The following ZNF331 variants were observed in gnomAD, a reference collection of about 807,000 sequenced individuals.
The protein encoded by ZNF331 is zinc finger protein 331, also known as C2H2-like zinc finger protein rearranged in thyroid adenomas.
In ZNF331, 2 loss-of-function variants were observed where a neutral mutation model predicts 7.0. The observed-to-expected ratio is 0.29, with a 90% CI of 0.12 to 0.90. ZNF331 has a LOEUF of 0.90. Among genes scored for constraint, ZNF331 ranks in the 40% least tolerant of loss-of-function variants. ZNF331 has a pLI of 0.58. For synonymous variants in ZNF331, 196 were observed against 205.4 expected, an observed-to-expected ratio of 0.95 and a Z score of 0.39; for missense variants, 432 against 587.7, an observed-to-expected ratio of 0.74 and a Z score of 2.74.
intron 2 of ZNF331, among the ~76,000 whole-genome samples, chr19:53,554,317 G>A (rs1200968682): frequency 6.6e-6 from 1 of 152,226 alleles, no homozygotes; most frequent in Non-Finnish European, 1.5e-5. Flanking sequence ...GGTCGCACAT[G>A]CGGATCAAGG....
the ZNF331 span, among the ~76,000 whole-genome samples, chr19:53,513,472 A>G: frequency 6.6e-6 from 1 of 152,138 alleles, no homozygotes; most frequent in Non-Finnish European, 1.5e-5. Flanking sequence ...TAATTGCTCT[A>G]CCAATTGACT....
At chr19:53,507,938 A>C in the ZNF331 span, among the ~76,000 whole-genome samples, 1 of 152,182 alleles carries the variant, frequency 6.6e-6, no homozygotes, top group East Asian at 1.9e-4. Flanking sequence ...GGTTACAAAA[A>C]AAATCATCAA....
chr19:53,569,419 T>C, intron 4 of ZNF331, 34 bp downstream of exon 4: 1 of 1,613,234 alleles, frequency 6.2e-7, no homozygotes, highest in Non-Finnish European at 8.5e-7. Flanking sequence ...TCTTGAGCTA[T>C]GATATTTGCG....
chr19:53,561,399 C>T (rs1001107850), intron 3 of ZNF331, among the ~76,000 whole-genome samples: 8 of 151,148 alleles, frequency 5.3e-5, no homozygotes, highest in Middle Eastern at 3.2e-3. Flanking sequence ...CTAAATTACC[C>T]GTAATTGTGC....
chr19:53,508,078 G>T, the ZNF331 span, among the ~76,000 whole-genome samples: 1 of 152,290 alleles, frequency 6.6e-6, no homozygotes, highest in East Asian at 1.9e-4. Flanking sequence ...TGATCTAACA[G>T]TTGCATCCGT....
At chr19:53,572,355 G>A (rs1038633598) in intron 5 of ZNF331, among the ~76,000 whole-genome samples, 1 of 151,972 alleles carries the variant, frequency 6.6e-6, no homozygotes, top group East Asian at 1.9e-4. Context: ...TAAGCTGTCT[G>A]TGGTGACCCT....
Position 53,558,844 on chromosome 19 carries a change from A to G in ZNF331, c.-74+2936A>G, listed in dbSNP as rs1203910523. 6.6e-6 allele frequency among the ~76,000 whole-genome samples: 1 copy of G among 151,678 alleles called. No individual in the cohort carries two copies. Among genetic ancestry groups the G allele is most frequent in the East Asian group, 1.9e-4 (1 of 5,194 alleles). ...CACACATATAGGCACCTACATATAT[A>G]CACACCATACACACATATACACACA... On this transcript the variant is annotated intron_variant, in intron 3 of 5. Transcript: ENST00000449416. The surrounding 1 kb of genome is among the most constrained non-coding windows in gnomAD (Gnocchi z 4.5).
At chr19:53,519,018 G>T (rs2086974095), upstream of ZNF331, among the ~76,000 whole-genome samples, 1 of 152,186 alleles carries the variant, frequency 6.6e-6, no homozygotes, top group Admixed American at 6.5e-5. Flanking sequence ...AAAACATCTT[G>T]TCCCTGTTGG....
chr19:53,522,644 G>A (rs1768235507), exon 2 of ZNF331: 1 of 152,216 alleles, frequency 6.6e-6, no homozygotes, highest in African/African-American at 2.4e-5. Context: ...CATCCCGGAG[G>A]AGGAAGAAGA....
rs571119812 is a variant in ZNF331, at chr19:53,530,209, T to C, written c.-205+7525T>C. On this transcript the variant is annotated intron_variant, in intron 2 of 6. Coordinates refer to the ZNF331 transcript ENST00000253144. ...CATGTACTTTTAAATGACCAGATTTTGCAAGAACTCACTCACCATGGCCAA... is the reference window on the plus strand; with the variant it reads ...CATGTACTTTTAAATGACCAGATTTCGCAAGAACTCACTCACCATGGCCAA... Among the ~76,000 whole-genome samples the C allele has an allele frequency of 2.6e-5, 4 of 152,144 alleles. No individual in the cohort carries two copies. In the East Asian group the frequency reaches 7.8e-4, roughly 30 times the overall value.
chr19:53,512,209 C>A, the ZNF331 span: 1 of 152,978 alleles, frequency 6.5e-6, no homozygotes. Context: ...GGATGGGCCC[C>A]AGGGACGCGC....
chr19:53,537,848 C>G (rs998614023), upstream of ZNF331: 1 of 152,318 alleles, frequency 6.6e-6, no homozygotes, highest in African/African-American at 2.4e-5. Context: ...AGCATCTGTG[C>G]AGGCGCACGT....
At chr19:53,541,076 G>C (rs184495283) in intron 2 of ZNF331, among the ~76,000 whole-genome samples, 4 of 151,898 alleles carry the variant, frequency 2.6e-5, no homozygotes, top group South Asian at 4.2e-4. Context: ...ATGTTTGAGA[G>C]AGGCAACGAG....
At chr19:53,535,177 C>T (rs1388968720), upstream of ZNF331, among the ~76,000 whole-genome samples, 1 of 151,898 alleles carries the variant, frequency 6.6e-6, no homozygotes, top group Non-Finnish European at 1.5e-5. Flanking sequence ...CTCACTGCAA[C>T]CTCTGCCTCC....
intron 5 of ZNF331, among the ~76,000 whole-genome samples, chr19:53,572,389 A>T (rs1409164714): frequency 1.3e-5 from 2 of 151,924 alleles, no homozygotes; most frequent in Non-Finnish European, 1.5e-5. Context: ...GCTACTCGGG[A>T]GACTGAGGCA....
intron 3 of ZNF331, among the ~76,000 whole-genome samples, chr19:53,557,488 G>A (rs529038779): frequency 3.3e-5 from 5 of 152,310 alleles, no homozygotes; most frequent in Non-Finnish European, 5.9e-5. Flanking sequence ...AAGGCCTCAC[G>A]TCTTAATACC....
chr19:53,537,855 A>T (rs984287600), upstream of ZNF331: 2 of 152,266 alleles, frequency 1.3e-5, no homozygotes, highest in African/African-American at 4.8e-5. Flanking sequence ...GTGCAGGCGC[A>T]CGTGTGTGTC....
chr19:53,506,424 C>CTCTCTCTCTG, the ZNF331 span, among the ~76,000 whole-genome samples: 281 of 88,540 alleles, frequency 3.2e-3, 12 homozygotes, highest in South Asian at 5.5e-3. Flanking sequence ...CTCTCTCTCT[C>CTCTCTCTCTG]TCTCTCTCTC....
the ZNF331 span, chr19:53,503,928 G>A: frequency 2.8e-4 from 183 of 650,922 alleles, 3 homozygotes; most frequent in African/African-American, 2.2e-3. Context: ...TCGCTGACGC[G>A]GCACTGCTGT....
Sources: gnomAD v4.1 joint callset for allele counts (sites outside exome capture counted in the v4.1 genomes callset) on GRCh38, gnomAD v4.1.1 for gene constraint, Gnocchi (gnomAD v3.1) non-coding constraint, MANE v1.5 for transcripts, NCBI Gene and HGNC (gene_info 2026-07-23, HGNC 2026-07-21) for gene names.